Variants in FAM124A observed in about 807,000 individuals in gnomAD.
The protein encoded by FAM124A is protein FAM124A.
In FAM124A, 23 loss-of-function variants were observed where a neutral mutation model predicts 24.5. That is an observed-to-expected ratio of 0.94 (90% CI 0.68 to 1.33). The LOEUF is 1.33. Among genes scored for constraint, FAM124A ranks in the 40% most tolerant of loss-of-function variants. FAM124A has a pLI of 0.00. For synonymous variants in FAM124A, 287 were observed against 314.7 expected (o/e 0.91, Z 0.93); for missense variants, 623 against 722.8 (o/e 0.86, Z 1.58).
intron 3 of FAM124A, among the ~76,000 whole-genome samples, chr13:51,269,910 A>G (rs1954823414): frequency 6.6e-6 from 1 of 152,130 alleles, no homozygotes; most frequent in South Asian, 2.1e-4. Flanking sequence ...TAACTAATGG[A>G]GGGTTAGTTT....
intron 2 of FAM124A, among the ~76,000 whole-genome samples, chr13:51,247,911 G>A (rs540644942): frequency 6.6e-5 from 10 of 152,260 alleles, no homozygotes; most frequent in South Asian, 2.1e-4. Context: ...CAACCAAACC[G>A]AAAGAAGCCA....
At chr13:51,279,858 C>A (rs890109844) in intron 3 of FAM124A, among the ~76,000 whole-genome samples, 6 of 152,158 alleles carry the variant, frequency 3.9e-5, no homozygotes, top group African/African-American at 1.4e-4. Context: ...CCCCGATAGC[C>A]CCTCACTCAT....
chr13:51,243,339 G>T (rs1290182928), intron 2 of FAM124A, among the ~76,000 whole-genome samples: 1 of 152,148 alleles, frequency 6.6e-6, no homozygotes, highest in Non-Finnish European at 1.5e-5. Context: ...AGAGATGAAG[G>T]CAGGTTATTC....
intron 2 of FAM124A, among the ~76,000 whole-genome samples, chr13:51,249,252 C>T (rs187157927): frequency 1.3e-5 from 2 of 152,314 alleles, no homozygotes; most frequent in East Asian, 3.9e-4. Context: ...TCTGCAGAGC[C>T]CTCCTTCTTT....
chr13:51,249,995 T>C (rs1954601747), intron 2 of FAM124A, among the ~76,000 whole-genome samples: 1 of 152,234 alleles, frequency 6.6e-6, no homozygotes, highest in Admixed American at 6.5e-5. Flanking sequence ...ACAAACTGAT[T>C]GCTTAACAGA....
At chr13:51,231,133 C>T (rs1312450060) in intron 1 of FAM124A, among the ~76,000 whole-genome samples, 4 of 152,226 alleles carry the variant, frequency 2.6e-5, no homozygotes, top group Non-Finnish European at 1.5e-5. Context: ...GCAGAACTCA[C>T]ATGAGAGCCC....
intron 3 of FAM124A, among the ~76,000 whole-genome samples, chr13:51,268,414 A>G (rs368620833): frequency 1.3e-5 from 2 of 152,362 alleles, no homozygotes; most frequent in East Asian, 3.9e-4. Context: ...AACAAAAACA[A>G]AAAGCGTCTT....
intron 1 of FAM124A, among the ~76,000 whole-genome samples, chr13:51,228,151 A>T (rs1306063606): frequency 6.6e-6 from 1 of 152,200 alleles, no homozygotes; most frequent in African/African-American, 2.4e-5. Context: ...GAATGCCAAG[A>T]TCAATTCTTA....
intron 2 of FAM124A, among the ~76,000 whole-genome samples, chr13:51,250,597 AG>A (rs1041565685): frequency 9.8e-5 from 15 of 152,316 alleles, no homozygotes; most frequent in African/African-American, 2.4e-4. Flanking sequence ...GATCACAGGG[AG>A]GGTAACCGAC....
chr13:51,274,225 C>T (rs1954865037), intron 3 of FAM124A, among the ~76,000 whole-genome samples: 1 of 152,208 alleles, frequency 6.6e-6, no homozygotes, highest in African/African-American at 2.4e-5. Flanking sequence ...ATCCTTGCCA[C>T]ATTTTCACAA....
chr13:51,237,573 G>A lies in FAM124A; in HGVS notation c.100+6194G>A, dbSNP rs75479711. ...GATCGGGTTCTCCATAAGGGGCTGA[G>A]TGTTGGTCGATGGTGTCAGTGATAA... On this transcript the variant is annotated intron_variant, in intron 2 of 3. Coordinates refer to ENST00000322475, the MANE Select transcript of FAM124A (RefSeq NM_001242312.2). 2.1e-3 allele frequency among the ~76,000 whole-genome samples: 317 copies of A among 152,246 alleles called. 2 individuals carry two copies. Among genetic ancestry groups the A allele is most frequent in the African/African-American group, 7.2e-3 (298 of 41,580 alleles).
intron 3 of FAM124A, among the ~76,000 whole-genome samples, chr13:51,276,187 G>A (rs1954884759): frequency 6.6e-6 from 1 of 152,198 alleles, no homozygotes; most frequent in Non-Finnish European, 1.5e-5. Context: ...CTTTCAGAGA[G>A]ATCACTCAAG....
At chr13:51,256,911 G>GTT (rs750018860) in intron 3 of FAM124A, among the ~76,000 whole-genome samples, 108 of 152,216 alleles carry the variant, frequency 7.1e-4, no homozygotes, top group Non-Finnish European at 1.3e-3. Context: ...ACTACTATAA[G>GTT]TACCTCATAT....
rs186582327 is a variant in FAM124A at position 51,252,444 on chromosome 13, G to A, written c.834+243G>A. ...AGCAAACATGTTCCCAATTCTTCCA[G>A]CTGCCCCTTCTGTCCTCCCCTATTG... On this transcript the variant is annotated intron_variant, in intron 3 of 3. Transcript: ENST00000322475. The A allele has an allele frequency of 7.4e-4, 430 of 580,358 alleles. No individual in the cohort carries two copies. The African/African-American group carries it at 7.5e-3, about 10-fold the overall frequency. The allele number at this position is 580,358 out of a possible 1,614,324, so 36.0% of individuals were successfully genotyped here. A position where few individuals can be genotyped will look rare whatever the true frequency, so the allele number is the denominator to read the frequency against.
intron 3 of FAM124A, among the ~76,000 whole-genome samples, chr13:51,279,792 A>G (rs1462288495): frequency 6.6e-6 from 1 of 152,170 alleles, no homozygotes; most frequent in Non-Finnish European, 1.5e-5. Context: ...CAGTTCCTGA[A>G]AGGTAACGTA....
chr13:51,274,015 A>G lies in FAM124A; in HGVS notation c.835-6435A>G, dbSNP rs138488869. On this transcript the variant is annotated intron_variant, in intron 3 of 3. Transcript: ENST00000322475. ...ACAAAGAGAAAGCTTGCACCTGGGC[A>G]TGATATTCTTTCAAGTTTTACAGAT... Among the ~76,000 whole-genome samples the G allele has an allele frequency of 9.7e-4, 148 of 152,376 alleles. 2 individuals are homozygous for G. The East Asian group carries it at 0.025, about 26-fold the overall frequency.
At chr13:51,236,611 T>C (rs1352400726) in intron 2 of FAM124A, among the ~76,000 whole-genome samples, 1 of 152,240 alleles carries the variant, frequency 6.6e-6, no homozygotes, top group East Asian at 1.9e-4. Context: ...TCCTCACCAA[T>C]GCGGAATATG....
intron 3 of FAM124A, among the ~76,000 whole-genome samples, chr13:51,259,603 A>G (rs1006399836): frequency 2.0e-5 from 3 of 152,144 alleles, no homozygotes. Context: ...ATCTGTGGGA[A>G]GAATGGTCGG....
chr13:51,245,398 G>A (rs909380818), intron 2 of FAM124A: 23 of 678,106 alleles, frequency 3.4e-5, no homozygotes, highest in African/African-American at 1.6e-4. Flanking sequence ...GAGCCTCCAG[G>A]TTGAACATAC....
Sources: gnomAD v4.1 joint callset for allele counts (sites outside exome capture counted in the v4.1 genomes callset) on GRCh38, gnomAD v4.1.1 for gene constraint, MANE v1.5 for transcripts, NCBI Gene and HGNC (gene_info 2026-07-23, HGNC 2026-07-21) for gene names.